CFAP299: variants seen among roughly 807,000 people sequenced by gnomAD.
The protein encoded by CFAP299 is cilia and flagella associated protein 299, also known as cilia- and flagella-associated protein 299.
Under a neutral mutation model 27.0 loss-of-function variants are expected in CFAP299, and 21 were observed. The ratio of observed to expected loss-of-function variants is 0.78; its 90% CI spans 0.55 to 1.12. CFAP299 has a LOEUF of 1.12. Ranked by LOEUF, CFAP299 falls within the 50% of genes most tolerant of loss-of-function variation. CFAP299 has a pLI of 0.00. For missense variants in CFAP299, 310 were observed against 276.6 expected (o/e 1.12, Z -0.86); for synonymous variants, 104 against 98.1 (o/e 1.06, Z -0.36).
At chr4:80,768,436 A>C (rs550083514) in intron 3 of CFAP299, among the ~76,000 whole-genome samples, 2 of 152,364 alleles carry the variant, frequency 1.3e-5, no homozygotes, top group Non-Finnish European at 2.9e-5. Flanking sequence ...TAGATACTTT[A>C]CAAAACATTT....
chr4:80,885,815 C>G (rs1486866952), intron 4 of CFAP299, among the ~76,000 whole-genome samples: 1 of 152,126 alleles, frequency 6.6e-6, no homozygotes, highest in South Asian at 2.1e-4. Flanking sequence ...GTGAAAGACT[C>G]CTTCAGAGGG....
At chr4:80,370,824 G>C (rs1048533845) in intron 2 of CFAP299, among the ~76,000 whole-genome samples, 4 of 152,218 alleles carry the variant, frequency 2.6e-5, no homozygotes, top group African/African-American at 9.6e-5. Flanking sequence ...CAGGCACAGG[G>C]TGCAACTTTT....
At chr4:80,390,952 CATGTATAT>C (rs1725436754) in intron 2 of CFAP299, among the ~76,000 whole-genome samples, 1 of 37,802 alleles carries the variant, frequency 2.6e-5, no homozygotes, top group African/African-American at 8.1e-5. Flanking sequence ...TATGTACACA[CATGTATAT>C]ATGTATATAT....
chr4:80,644,648 T>C (rs1739900736), intron 3 of CFAP299, among the ~76,000 whole-genome samples: 2 of 152,210 alleles, frequency 1.3e-5, no homozygotes, highest in African/African-American at 4.8e-5. Flanking sequence ...AAATATTCTA[T>C]GAAGTCTAAT....
intron 3 of CFAP299, among the ~76,000 whole-genome samples, chr4:80,718,171 A>C (rs1439291374): frequency 6.6e-6 from 1 of 152,076 alleles, no homozygotes; most frequent in Non-Finnish European, 1.5e-5. Flanking sequence ...TGAGTAATAC[A>C]ATATGGCAAT....
At chr4:80,427,657 T>C (rs1038822030) in intron 2 of CFAP299, among the ~76,000 whole-genome samples, 1 of 152,212 alleles carries the variant, frequency 6.6e-6, no homozygotes, top group Non-Finnish European at 1.5e-5. Flanking sequence ...TACTCACTCC[T>C]ACATAGGAGG....
At chr4:80,613,466 T>G (rs1192554270) in intron 3 of CFAP299, among the ~76,000 whole-genome samples, 1 of 152,166 alleles carries the variant, frequency 6.6e-6, no homozygotes, top group Non-Finnish European at 1.5e-5. Context: ...AAAATTACTT[T>G]ATTTCTTTCA....
intron 3 of CFAP299, among the ~76,000 whole-genome samples, chr4:80,713,280 A>T (rs890008115): frequency 5.3e-5 from 8 of 152,158 alleles, no homozygotes; most frequent in Non-Finnish European, 1.2e-4. Flanking sequence ...AACCCAATTG[A>T]ACCCATGTAG....
chr4:80,874,992 A>T (rs958934677), intron 4 of CFAP299, among the ~76,000 whole-genome samples: 1 of 152,184 alleles, frequency 6.6e-6, no homozygotes, highest in African/African-American at 2.4e-5. Flanking sequence ...GAGTTATAAA[A>T]TACATTATTA....
chr4:80,892,711 G>T (rs1192547647), intron 4 of CFAP299, among the ~76,000 whole-genome samples: 1 of 152,050 alleles, frequency 6.6e-6, no homozygotes, highest in Non-Finnish European at 1.5e-5. Flanking sequence ...GAACAGATTA[G>T]GTATAGAAGG....
chr4:80,608,861 A>ATGTG (rs33963629), intron 3 of CFAP299, among the ~76,000 whole-genome samples: 3,829 of 146,878 alleles, frequency 0.026, 152 homozygotes, highest in African/African-American at 0.092. Flanking sequence ...TACACGATGC[A>ATGTG]TGTGTGTGTG....
chr4:80,961,848 A>C (rs1662316174), intron 5 of CFAP299, among the ~76,000 whole-genome samples: 1 of 151,988 alleles, frequency 6.6e-6, no homozygotes, highest in African/African-American at 2.4e-5. Context: ...ATTGTCTGTC[A>C]CACAAGGGGA....
At chr4:80,855,098 G>C (rs1293740391) in intron 3 of CFAP299, among the ~76,000 whole-genome samples, 1 of 152,062 alleles carries the variant, frequency 6.6e-6, no homozygotes, top group Non-Finnish European at 1.5e-5. Context: ...ATGGAGGTCA[G>C]AAAACAGTGG....
chr4:80,443,112 G>A (rs1181813546), intron 2 of CFAP299, among the ~76,000 whole-genome samples: 1 of 152,198 alleles, frequency 6.6e-6, no homozygotes, highest in Admixed American at 6.5e-5. Flanking sequence ...GGGGTACAAA[G>A]AGGAGCTGGT....
chr4:80,501,100 A>G (rs1731718656), intron 2 of CFAP299, among the ~76,000 whole-genome samples: 1 of 152,254 alleles, frequency 6.6e-6, no homozygotes, highest in South Asian at 2.1e-4. Context: ...GTGGTCATAG[A>G]TAATACAGAT....
At chr4:80,503,706 ATT>A (rs1324283482) in intron 2 of CFAP299, among the ~76,000 whole-genome samples, 1 of 152,310 alleles carries the variant, frequency 6.6e-6, no homozygotes, top group African/African-American at 2.4e-5. Flanking sequence ...CACATTTTAA[ATT>A]ATATATCTTC....
intron 2 of CFAP299, among the ~76,000 whole-genome samples, chr4:80,367,562 T>G (rs1164878218): frequency 1.3e-5 from 2 of 152,138 alleles, no homozygotes; most frequent in African/African-American, 4.8e-5. Context: ...ATTTACTGGG[T>G]TGGTATCCAA....
intron 3 of CFAP299, among the ~76,000 whole-genome samples, chr4:80,699,088 G>T (rs1721299842): frequency 6.6e-6 from 1 of 152,140 alleles, no homozygotes; most frequent in South Asian, 2.1e-4. Context: ...TATTGGTACT[G>T]AAGAAGTTAC....
intron 2 of CFAP299, among the ~76,000 whole-genome samples, chr4:80,409,779 T>C (rs1247364285): frequency 6.6e-6 from 1 of 152,192 alleles, no homozygotes; most frequent in Non-Finnish European, 1.5e-5. Context: ...GATGATAGCA[T>C]ACATGAGTAC....
Sources: allele counts gnomAD v4.1 joint callset (sites outside exome capture counted in the v4.1 genomes callset), GRCh38; gene constraint gnomAD v4.1.1; transcripts MANE v1.5; gene names NCBI Gene and HGNC (gene_info 2026-07-23, HGNC 2026-07-21).